POF1B: variants seen among roughly 807,000 people sequenced by gnomAD.
POF1B encodes protein POF1B.
Under a neutral mutation model 55.3 loss-of-function variants are expected in POF1B, and 53 were observed. The observed-to-expected ratio is 0.96, with a 90% CI of 0.77 to 1.20. The LOEUF (loss-of-function observed/expected upper bound fraction) is 1.20, where lower values mean the gene tolerates loss of function less well. Ranked by LOEUF, POF1B falls within the 50% of genes most tolerant of loss-of-function variation. The probability of loss-of-function intolerance (pLI) is 0.00; values close to 1 mark genes in which losing one functional copy is unlikely to be tolerated. For synonymous variants in POF1B, 188 were observed against 148.3 expected (o/e 1.27, Z -1.95); for missense variants, 478 against 420.5 (o/e 1.14, Z -1.20).
At position 85,277,709 on chromosome X, in the gene POF1B, A is replaced by G. The variant is rs1204243201; in HGVS notation, c.*1712T>C. 9.0e-6 allele frequency: 1 copy of G among 110,510 alleles called. No individual in the cohort carries two copies. Among genetic ancestry groups the G allele is most frequent in the Non-Finnish European group, 1.9e-5 (1 of 52,543 alleles). 9.1% of individuals were successfully genotyped at this position (110,510 alleles called of 1,213,427 possible). On this transcript the variant is annotated 3_prime_UTR_variant, in exon 17 of 17. Coordinates refer to ENST00000262753, the MANE Select transcript of POF1B (RefSeq NM_024921.4). ...CTGTTTCTGGCTTATGTCACTTAAT[A>G]TAGTGACCTCTAGTTCCATCCATGA...
intron 6 of POF1B, among the ~76,000 whole-genome samples, chrX:85,343,093 A>T (rs1473382598): frequency 9.1e-6 from 1 of 110,224 alleles, no homozygotes; most frequent in Non-Finnish European, 1.9e-5. Context: ...AATGTAGATG[A>T]CAGGTTGATG....
At chrX:85,289,810 G>A (rs113265379) in intron 15 of POF1B, among the ~76,000 whole-genome samples, 2,738 of 111,278 alleles carry the variant, frequency 0.025, 31 homozygotes, top group Non-Finnish European at 0.039. Flanking sequence ...GGGGGTGTGG[G>A]AACAGGGATC....
At chrX:85,329,767 T>C (rs1307109282) in intron 7 of POF1B, among the ~76,000 whole-genome samples, 1 of 108,647 alleles carries the variant, frequency 9.2e-6, no homozygotes, top group Non-Finnish European at 1.9e-5. Context: ...GTTGTTGTCA[T>C]TAATATGAAA....
At chrX:85,379,079 T>C (rs1933967515) in intron 2 of POF1B, 94 bp downstream of exon 2, 1 of 995,270 alleles carries the variant, frequency 1.0e-6, no homozygotes, top group South Asian at 2.3e-5. Flanking sequence ...CCAAAAGATA[T>C]CCTGTGGAAT....
intron 9 of POF1B, among the ~76,000 whole-genome samples, chrX:85,309,058 A>G (rs1316981433): frequency 9.0e-6 from 1 of 111,627 alleles, no homozygotes; most frequent in Non-Finnish European, 1.9e-5. Flanking sequence ...TAAAAAACAG[A>G]CAACTTCAGC....
At chrX:85,345,370 C>A (rs1933249400) in intron 6 of POF1B, among the ~76,000 whole-genome samples, 1 of 111,279 alleles carries the variant, frequency 9.0e-6, no homozygotes, top group Non-Finnish European at 1.9e-5. Flanking sequence ...ATAATAAAAT[C>A]TATACATATT....
chrX:85,339,903 G>C (rs1213249309), intron 6 of POF1B, among the ~76,000 whole-genome samples: 1 of 111,178 alleles, frequency 9.0e-6, no homozygotes, highest in Non-Finnish European at 1.9e-5. Flanking sequence ...CGTGGTCCCT[G>C]GGCCAGTAAA....
chrX:85,357,060 C>T (rs1450083613), intron 4 of POF1B, among the ~76,000 whole-genome samples: 2 of 111,026 alleles, frequency 1.8e-5, no homozygotes, highest in Non-Finnish European at 3.8e-5. Flanking sequence ...TTTTCATTTT[C>T]CTCAACTCCT....
At chrX:85,309,607 C>A (rs113795556) in intron 9 of POF1B, among the ~76,000 whole-genome samples, 22 of 110,955 alleles carry the variant, frequency 2.0e-4, no homozygotes, top group African/African-American at 6.9e-4. Context: ...CAATGGACAA[C>A]AAAAGTCCTG....
intron 15 of POF1B, among the ~76,000 whole-genome samples, chrX:85,292,132 G>T (rs1932204115): frequency 1.8e-5 from 2 of 111,378 alleles, no homozygotes; most frequent in Non-Finnish European, 3.8e-5. Flanking sequence ...TTTATTGAGA[G>T]ATTTTGACAT....
At chrX:85,331,228 G>A (rs969993184) in intron 6 of POF1B, 149 bp from the exon 7 acceptor site, 4 of 539,321 alleles carry the variant, frequency 7.4e-6, no homozygotes, top group African/African-American at 7.3e-5. Flanking sequence ...TAATGTGGGA[G>A]AAATTTAAAG....
chrX:85,284,550 T>C (rs1270010305), intron 15 of POF1B, among the ~76,000 whole-genome samples: 5 of 111,711 alleles, frequency 4.5e-5, no homozygotes, highest in Non-Finnish European at 7.5e-5. Flanking sequence ...AAACAATAAA[T>C]GGGGAAAGGA....
At chrX:85,368,282 T>G (rs1030989236) in intron 2 of POF1B, among the ~76,000 whole-genome samples, 2 of 111,203 alleles carry the variant, frequency 1.8e-5, no homozygotes, top group African/African-American at 6.5e-5. Context: ...TAAAATGATG[T>G]AAAATTTAAT....
At position 85,282,098 on chromosome X, in the gene POF1B, G is replaced by GA. The variant is rs765251262; in HGVS notation, c.1764+104dup. 1.5e-4 allele frequency: 142 copies of GA among 942,277 alleles called. No individual in the cohort carries two copies. The East Asian group carries it at 3.7e-3, about 24-fold the overall frequency. 77.7% of individuals were successfully genotyped at this position (942,277 alleles called of 1,213,427 possible). On this transcript the variant is annotated intron_variant, in intron 16 of 16. Transcript: ENST00000262753. Reference sequence around the variant, plus strand: ...ATAATGGAAACAGAAAATCTCAAAAGAAAAAAATACTCAAAGTTTTTAGTT... The same window carrying GA: ...ATAATGGAAACAGAAAATCTCAAAAGAAAAAAAATACTCAAAGTTTTTAGTT...
At position 85,319,804 on chromosome X, in the gene POF1B, T is replaced by C. The variant is rs139005512; in HGVS notation, c.855-4070A>G. Among the ~76,000 whole-genome samples the C allele has an allele frequency of 8.1e-3, 903 of 111,750 alleles. 11 individuals carry two copies. Among genetic ancestry groups the C allele is most frequent in the African/African-American group, 0.028 (849 of 30,788 alleles). On this transcript the variant is annotated intron_variant, in intron 7 of 16. Transcript: ENST00000262753. The stretch of plus-strand genomic sequence containing the variant: ...TTATTGGGGATTTTTGCATCAATGT[T>C]CATCAAGGATATTGGCCTTAAGTTT...
chrX:85,342,523 T>G (rs1353254612), intron 6 of POF1B, among the ~76,000 whole-genome samples: 1 of 111,524 alleles, frequency 9.0e-6, no homozygotes, highest in African/African-American at 3.2e-5. Context: ...GTAGGATATA[T>G]TGTACATTAA....
intron 9 of POF1B, among the ~76,000 whole-genome samples, chrX:85,313,167 T>G (rs979628389): frequency 4.5e-5 from 5 of 111,850 alleles, no homozygotes; most frequent in African/African-American, 1.6e-4. Flanking sequence ...TCCCCTTTAT[T>G]TCTTTCACTT....
At chrX:85,285,341 C>T (rs1932023907) in intron 15 of POF1B, among the ~76,000 whole-genome samples, 1 of 110,850 alleles carries the variant, frequency 9.0e-6, no homozygotes, top group East Asian at 2.9e-4. Context: ...GCTATAAAGA[C>T]GTATGCACAC....
At chrX:85,355,009 A>G (rs1471641284) in intron 4 of POF1B, among the ~76,000 whole-genome samples, 1 of 111,717 alleles carries the variant, frequency 9.0e-6, no homozygotes, top group Non-Finnish European at 1.9e-5. Flanking sequence ...AGAGAATCCT[A>G]AGCCAAAAGA....
Sources: allele counts gnomAD v4.1 joint callset (sites outside exome capture counted in the v4.1 genomes callset), GRCh38; gene constraint gnomAD v4.1.1; transcripts MANE v1.5; gene names NCBI Gene and HGNC (gene_info 2026-07-23, HGNC 2026-07-21).